Variants in LMCD1 observed in about 807,000 individuals in gnomAD.
LMCD1 encodes LIM and cysteine-rich domains protein 1.
Under a neutral mutation model 42.7 loss-of-function variants are expected in LMCD1, and 32 were observed. The ratio of observed to expected loss-of-function variants is 0.75; its 90% CI spans 0.57 to 1.01. The LOEUF (loss-of-function observed/expected upper bound fraction) is 1.01, where lower values mean the gene tolerates loss of function less well. Ranked by LOEUF, LMCD1 falls within the 50% of genes least tolerant of loss-of-function variation. The probability of loss-of-function intolerance (pLI) is 0.00; values close to 1 mark genes in which losing one functional copy is unlikely to be tolerated. For missense variants in LMCD1, 458 were observed against 483.1 expected (o/e 0.95, Z 0.49); for synonymous variants, 178 against 184.9 (o/e 0.96, Z 0.30).
At chr3:8,536,615 A>G (rs1030547432) in intron 2 of LMCD1, among the ~76,000 whole-genome samples, 3 of 152,220 alleles carry the variant, frequency 2.0e-5, no homozygotes, top group African/African-American at 7.2e-5. Flanking sequence ...CTCCGAGGCT[A>G]TGATCTTGGA....
intron 2 of LMCD1, among the ~76,000 whole-genome samples, chr3:8,534,829 G>T (rs191950485): frequency 7.9e-5 from 12 of 152,174 alleles, no homozygotes; most frequent in African/African-American, 2.7e-4. Context: ...GGTGAGAGGG[G>T]TGGATCACTC....
intron 1 of LMCD1, among the ~76,000 whole-genome samples, chr3:8,531,391 A>T (rs747802276): frequency 2.6e-5 from 4 of 152,164 alleles, no homozygotes; most frequent in Admixed American, 2.6e-4. Flanking sequence ...CATATTTCCC[A>T]TATGAATTTA....
Position 8,539,333 on chromosome 3 carries a change from G to A in LMCD1, c.387+1893G>A, listed in dbSNP as rs1574962740. Among the ~76,000 whole-genome samples, 5 of 152,120 alleles carry A rather than the reference G, an allele frequency of 3.3e-5. No homozygotes were observed. The South Asian group carries it at 6.2e-4, about 19-fold the overall frequency. On this transcript the variant is annotated intron_variant, in intron 3 of 5. Coordinates refer to ENST00000157600, the MANE Select transcript of LMCD1 (RefSeq NM_014583.4). ...AGAACACTTCAGCATCCATGGACTC[G>A]ATCACCCTGTAAGGCCGAGTTGTTT...
chr3:8,550,759 T>C, intron 4 of LMCD1: 1 of 985,226 alleles, frequency 1.0e-6, no homozygotes, highest in African/African-American at 1.7e-5. Flanking sequence ...CTGGCTTCTG[T>C]CCACCCTCAA....
intron 1 of LMCD1, among the ~76,000 whole-genome samples, chr3:8,516,551 T>C (rs1273081266): frequency 6.6e-6 from 1 of 152,172 alleles, no homozygotes; most frequent in African/African-American, 2.4e-5. Context: ...GAATTCATCA[T>C]ATTTCTTCTT....
chr3:8,530,820 C>T (rs1428360542), intron 1 of LMCD1, among the ~76,000 whole-genome samples: 3 of 152,214 alleles, frequency 2.0e-5, no homozygotes, highest in Non-Finnish European at 4.4e-5. Flanking sequence ...TGAAAGAAAG[C>T]TCCCAGCTTA....
At chr3:8,502,910 C>T (rs1693793312) in intron 1 of LMCD1, among the ~76,000 whole-genome samples, 1 of 152,162 alleles carries the variant, frequency 6.6e-6, no homozygotes, top group Non-Finnish European at 1.5e-5. Context: ...CCCGGGGTCA[C>T]AGAGAGTTGG....
At position 8,537,340 on chromosome 3, in the gene LMCD1, G is replaced by A. The variant is rs1694529771; in HGVS notation, c.287G>A (p.Arg96Lys). The A allele has an allele frequency of 6.2e-7, 1 of 1,614,172 alleles. No individual in the cohort carries two copies. Among genetic ancestry groups the A allele is most frequent in the Non-Finnish European group, 8.5e-7 (1 of 1,180,022 alleles). ...KGGDGIRIYK[R>K]NRMIMTNPIA... ...GGGGACGGCATCCGGATTTACAAGA[G>A]GAACCGGATGATCATGACCAACCCT... The change falls in exon 3 of 6, where the codon AGG (arginine) becomes AAG (lysine). Residue 96 changes from arginine to lysine, a missense_variant. Coordinates refer to ENST00000157600, the MANE Select transcript of LMCD1 (RefSeq NM_014583.4).
intron 1 of LMCD1, among the ~76,000 whole-genome samples, chr3:8,504,081 A>G (rs186689126): frequency 3.3e-5 from 5 of 152,334 alleles, no homozygotes; most frequent in Admixed American, 2.6e-4. Context: ...GGCTTAGAGA[A>G]AGAATGTGGT....
chr3:8,533,859 A>G (rs529019184), intron 2 of LMCD1, among the ~76,000 whole-genome samples: 77 of 151,926 alleles, frequency 5.1e-4, no homozygotes, highest in Non-Finnish European at 1.0e-3. Context: ...ATGAGCTTTC[A>G]GAGCAGAACA....
At chr3:8,545,205 G>A (rs1017651176) in intron 3 of LMCD1, among the ~76,000 whole-genome samples, 8 of 152,210 alleles carry the variant, frequency 5.3e-5, no homozygotes, top group Middle Eastern at 3.4e-3. Context: ...AAGAAAAAGC[G>A]ATTTTAGACA....
intron 1 of LMCD1, among the ~76,000 whole-genome samples, chr3:8,529,418 A>T (rs565058317): frequency 6.6e-6 from 1 of 152,144 alleles, no homozygotes; most frequent in Admixed American, 6.5e-5. Flanking sequence ...ACCAGGGCCA[A>T]CTCTCGCTTC....
At chr3:8,547,470 T>A (rs1327502015) in intron 3 of LMCD1, among the ~76,000 whole-genome samples, 1 of 152,236 alleles carries the variant, frequency 6.6e-6, no homozygotes, top group Non-Finnish European at 1.5e-5. Context: ...GCTGTTACCA[T>A]GAGCCAATAA....
rs1695263838 is a variant in LMCD1 at position 8,574,126 on chromosome 3, A to T, written c.*6528A>T. 1 of 152,220 alleles carries T rather than the reference A, an allele frequency of 6.6e-6. No homozygotes were observed. Among genetic ancestry groups the T allele is most frequent in the Non-Finnish European group, 1.5e-5 (1 of 68,066 alleles). The allele number at this position is 152,220 out of a possible 1,614,324, so 9.4% of individuals were successfully genotyped here. On this transcript the variant is annotated 3_prime_UTR_variant, in exon 6 of 6. Coordinates refer to ENST00000157600, the MANE Select transcript of LMCD1 (RefSeq NM_014583.4). The stretch of plus-strand genomic sequence containing the variant: ...ACAGCCACCAGTGGCAGCTGGGCTC[A>T]CTTTTGTCCTTGGAGCCAGTGAGCC...
At chr3:8,559,323 C>G (rs1694984713) in intron 4 of LMCD1, among the ~76,000 whole-genome samples, 1 of 150,404 alleles carries the variant, frequency 6.6e-6, no homozygotes. Flanking sequence ...ACATTTCTAG[C>G]CTGCAAGGTG....
In LMCD1 at chr3:8,573,578, C is replaced by T. The variant is rs1255083670; in HGVS notation, c.*5980C>T. 1.3e-5 allele frequency: 2 copies of T among 152,214 alleles called. No homozygotes were observed. Among genetic ancestry groups the T allele is most frequent in the African/African-American group, 4.8e-5 (2 of 41,450 alleles). The allele number at this position is 152,214 out of a possible 1,614,324, so 9.4% of individuals were successfully genotyped here. ...GGCTGTTGGTCATTCACATCTCTCT[C>T]TGCCAAGAATGGGGATGACGCTGTT... On this transcript the variant is annotated 3_prime_UTR_variant, in exon 6 of 6. Transcript: ENST00000157600.
chr3:8,555,547 A>G (rs905399371), intron 4 of LMCD1, among the ~76,000 whole-genome samples: 1 of 152,012 alleles, frequency 6.6e-6, no homozygotes, highest in African/African-American at 2.4e-5. Context: ...CCGCAAAATC[A>G]CTATGGTTAC....
intron 4 of LMCD1, among the ~76,000 whole-genome samples, chr3:8,557,708 G>GT (rs1343143529): frequency 6.6e-6 from 1 of 152,194 alleles, no homozygotes; most frequent in East Asian, 1.9e-4. Context: ...AATTCTGCAT[G>GT]TACACATTTG....
chr3:8,543,793 G>T (rs1036932242), intron 3 of LMCD1, among the ~76,000 whole-genome samples: 5 of 152,200 alleles, frequency 3.3e-5, no homozygotes, highest in Non-Finnish European at 7.3e-5. Context: ...GGGCTCTCCA[G>T]ACCTCCTAAA....
Sources: gnomAD v4.1 joint callset for allele counts (sites outside exome capture counted in the v4.1 genomes callset) on GRCh38, gnomAD v4.1.1 for gene constraint, MANE v1.5 for transcripts, NCBI Gene and HGNC (gene_info 2026-07-23, HGNC 2026-07-21) for gene names.